Variants in CPB2 observed in about 807,000 individuals in gnomAD.
CPB2 encodes the protein carboxypeptidase B2.
A neutral mutation model predicts 57.0 loss-of-function variants in CPB2; 54 were observed. The ratio of observed to expected loss-of-function variants is 0.95; its 90% CI spans 0.76 to 1.19. CPB2 has a LOEUF of 1.19. CPB2 is among the 50% of genes most tolerant of loss of function. CPB2 has a pLI of 0.00. For synonymous variants in CPB2, 189 were observed against 178.1 expected (o/e 1.06, Z -0.49); for missense variants, 426 against 512.0 (o/e 0.83, Z 1.62).
chr13:46,083,489 ACAGAAGAGAGCATGG>A, intron 3 of CPB2, among the ~76,000 whole-genome samples: 1 of 152,172 alleles, frequency 6.6e-6, no homozygotes, highest in African/African-American at 2.4e-5. Context: ...CCATTGATAC[ACAGAAGAGAGCATGG>A]TCTCAAGGGG....
chr13:46,104,834 G>A (rs557182139), intron 1 of CPB2, 102 bp downstream of exon 1: 1 of 1,401,080 alleles, frequency 7.1e-7, no homozygotes, highest in Non-Finnish European at 9.9e-7. Flanking sequence ...GGCCTTCAAA[G>A]TTTACCATTT....
chr13:46,084,585 T>C (rs1046731871), intron 2 of CPB2, among the ~76,000 whole-genome samples: 1 of 152,158 alleles, frequency 6.6e-6, no homozygotes. Context: ...ATATACAAGA[T>C]AATCCATAAA....
chr13:46,055,659 G>T, intron 10 of CPB2, 103 bp downstream of exon 10: 1 of 579,110 alleles, frequency 1.7e-6, no homozygotes, highest in Non-Finnish European at 3.0e-6. Flanking sequence ...TATTACATGT[G>T]ACCCTATTTA....
intron 8 of CPB2, among the ~76,000 whole-genome samples, chr13:46,059,625 G>T (rs552967745): frequency 9.9e-5 from 15 of 151,444 alleles, no homozygotes; most frequent in Admixed American, 4.6e-4. Context: ...TCATCATGTG[G>T]ACTGAGACCT....
chr13:46,094,665 G>A (rs866133674), intron 1 of CPB2, among the ~76,000 whole-genome samples: 1 of 152,206 alleles, frequency 6.6e-6, no homozygotes, highest in South Asian at 2.1e-4. Flanking sequence ...GTGGCAGCCA[G>A]AGGACCATGA....
chr13:46,097,247 T>C (rs954293502), intron 1 of CPB2: 1 of 152,236 alleles, frequency 6.6e-6, no homozygotes, highest in South Asian at 2.1e-4. Context: ...ATGGCAGAGA[T>C]GAAGTGTGCA....
intron 9 of CPB2, among the ~76,000 whole-genome samples, chr13:46,056,674 A>T (rs1415978623): frequency 6.6e-6 from 1 of 152,016 alleles, no homozygotes; most frequent in Non-Finnish European, 1.5e-5. Context: ...TGATGCTATC[A>T]CCCTCCACTT....
intron 4 of CPB2, among the ~76,000 whole-genome samples, chr13:46,081,151 G>T (rs2045110172): frequency 6.6e-6 from 1 of 151,878 alleles, no homozygotes; most frequent in South Asian, 2.1e-4. Context: ...ACAGTCTGTG[G>T]TATTTTATTA....
At chr13:46,061,447 G>A (rs886389173) in intron 8 of CPB2, among the ~76,000 whole-genome samples, 1 of 152,134 alleles carries the variant, frequency 6.6e-6, no homozygotes, top group African/African-American at 2.4e-5. Context: ...TAAAGATAAG[G>A]CCTTTAAGGA....
At chr13:46,085,263 A>T (rs2045185538) in intron 2 of CPB2, among the ~76,000 whole-genome samples, 1 of 152,214 alleles carries the variant, frequency 6.6e-6, no homozygotes, top group African/African-American at 2.4e-5. Flanking sequence ...CATACCTGAC[A>T]TCTAAAATCA....
Position 46,058,353 on chromosome 13 carries a change from C to T in CPB2, c.825G>A (p.Ser275=), listed in dbSNP as rs147810684. The change falls in exon 9 of 11, where the codon TCG becomes TCA. Residue 275 remains serine, a synonymous_variant. Transcript: ENST00000181383. ...CEEGASSSSC[S]ETYCGLYPES... ...CAGGATAAAGTCCACAGTAGGTTTC[C>T]GAGCATGAGGAACTGGATGCACCTT... The T allele has an allele frequency of 8.1e-6, 13 of 1,613,890 alleles. No homozygotes were observed. Among genetic ancestry groups the T allele is most frequent in the African/African-American group, 6.7e-5 (5 of 74,884 alleles).
In CPB2 at chr13:46,084,137, A is replaced by G. The variant is rs1030580069; in HGVS notation, c.275+82T>C. ...CATGGTTAATACATTTTATTTTTCC[A>G]GGAAGCAATTATACCATACCCTAGT... On this transcript the variant is annotated intron_variant, in intron 3 of 10. Transcript: ENST00000181383. 4.5e-5 allele frequency: 68 copies of G among 1,499,634 alleles called. No individual in the cohort carries two copies. In the Admixed American group the frequency reaches 1.3e-3, roughly 29 times the overall value. 92.9% of individuals were successfully genotyped at this position (1,499,634 alleles called of 1,614,324 possible).
intron 2 of CPB2, 74 bp from the exon 3 acceptor site, chr13:46,084,417 A>G (rs2045168618): frequency 1.3e-6 from 2 of 1,541,312 alleles, no homozygotes; most frequent in African/African-American, 2.7e-5. Context: ...AGCTAGAGCC[A>G]TGACAGTTTT....
Position 46,053,773 on chromosome 13 carries a change from A to G in CPB2, c.1113T>C (p.Asp371=). The G allele has an allele frequency of 2.5e-6, 4 of 1,614,104 alleles. No homozygotes were observed. Among genetic ancestry groups the G allele is most frequent in the Non-Finnish European group, 3.4e-6 (4 of 1,179,990 alleles). ...ATTTGATGCCCAAATCATAGATCCA[A>G]TCGTCCCCACCTCCAGGAGCTAGGT... ...TLYLAPGGGD[D]WIYDLGIKYS... The change falls in exon 11 of 11, where the codon GAT becomes GAC. Residue 371 remains aspartate, a synonymous_variant. Transcript: ENST00000181383.
Position 46,061,942 on chromosome 13 carries a change from C to G in CPB2, c.796+2706G>C, listed in dbSNP as rs143389001. On this transcript the variant is annotated intron_variant, in intron 8 of 10. Transcript: ENST00000181383. The stretch of plus-strand genomic sequence containing the variant: ...ATGAGAAAAGATTAAATTCTTCTTT[C>G]TCACTGTCTTGCTTACATAGTACAG... 2.6e-3 allele frequency among the ~76,000 whole-genome samples: 400 copies of G among 151,618 alleles called. 4 individuals are homozygous for G. The highest frequency in any genetic ancestry group is 9.0e-3 in the African/African-American group (373 of 41,340).
intron 1 of CPB2, among the ~76,000 whole-genome samples, chr13:46,102,228 C>T (rs1469859201): frequency 6.6e-6 from 1 of 152,212 alleles, no homozygotes; most frequent in African/African-American, 2.4e-5. Flanking sequence ...GTGTCTCTTA[C>T]TTCCTCTTTC....
Position 46,076,134 on chromosome 13 carries a change from G to C in CPB2, c.487-2157C>G, listed in dbSNP as rs546948729. ...ACTTTAGTTTCAAAAGCTGTACCAG[G>C]AAGTACTAACCAGAGCAAACAGGTA... On this transcript the variant is annotated intron_variant, in intron 5 of 10. Transcript: ENST00000181383. Among the ~76,000 whole-genome samples the C allele has an allele frequency of 2.0e-5, 3 of 152,294 alleles. No homozygotes were observed. The East Asian group carries it at 5.8e-4, about 29-fold the overall frequency.
At chr13:46,057,115 G>A (rs188883227) in intron 9 of CPB2, among the ~76,000 whole-genome samples, 193 of 151,332 alleles carry the variant, frequency 1.3e-3, no homozygotes, top group Non-Finnish European at 2.1e-3. Context: ...TATTTTACAC[G>A]TAATGGCTCT....
chr13:46,092,128 T>A (rs2045302495), intron 1 of CPB2, among the ~76,000 whole-genome samples: 1 of 152,148 alleles, frequency 6.6e-6, no homozygotes, highest in Non-Finnish European at 1.5e-5. Context: ...TTAGAAAAAA[T>A]GCTTCCTCTT....
Sources: gnomAD v4.1 joint callset for allele counts (sites outside exome capture counted in the v4.1 genomes callset) on GRCh38, gnomAD v4.1.1 for gene constraint, MANE v1.5 for transcripts, NCBI Gene and HGNC (gene_info 2026-07-23, HGNC 2026-07-21) for gene names.